Variants in UNC13C observed in about 807,000 individuals in gnomAD.
UNC13C encodes protein unc-13 homolog C.
A neutral mutation model predicts 245.4 loss-of-function variants in UNC13C; 174 were observed. The observed-to-expected ratio is 0.71, with a 90% CI of 0.63 to 0.80. The LOEUF (loss-of-function observed/expected upper bound fraction) is 0.80, where lower values mean the gene tolerates loss of function less well. Ranked by LOEUF, UNC13C falls within the 30% of genes least tolerant of loss-of-function variation. UNC13C has a pLI of 0.00. For missense variants in UNC13C, 2,829 were observed against 2,602.9 expected, an observed-to-expected ratio of 1.09 and a Z score of -1.89; for synonymous variants, 992 against 895.1, an observed-to-expected ratio of 1.11 and a Z score of -1.93.
At chr15:53,855,246 A>G in the UNC13C span, among the ~76,000 whole-genome samples, 34 of 152,304 alleles carry the variant, frequency 2.2e-4, no homozygotes, top group African/African-American at 8.2e-4. Flanking sequence ...GTAAGCAGAG[A>G]CAATTTGACT....
At chr15:54,567,677 AT>A in intron 29 of UNC13C, 122 bp from the exon 30 acceptor site, 12 of 917,892 alleles carry the variant, frequency 1.3e-5, no homozygotes, top group Non-Finnish European at 1.8e-5. Flanking sequence ...TGATGGAACC[AT>A]TTTTTTGTAT....
chr15:54,486,643 T>G (rs531385721), intron 19 of UNC13C, among the ~76,000 whole-genome samples: 36 of 152,306 alleles, frequency 2.4e-4, no homozygotes, highest in African/African-American at 8.7e-4. Context: ...ACTTATCTTT[T>G]TTAATACACT....
chr15:53,933,791 A>G, the UNC13C span, among the ~76,000 whole-genome samples: 1 of 152,176 alleles, frequency 6.6e-6, no homozygotes, highest in East Asian at 1.9e-4. Context: ...TCCGTTTATA[A>G]ACCTTCTCAT....
intron 2 of UNC13C, among the ~76,000 whole-genome samples, chr15:54,098,691 A>G (rs1345651918): frequency 1.3e-5 from 2 of 152,252 alleles, no homozygotes; most frequent in Non-Finnish European, 2.9e-5. Flanking sequence ...GTTATAATAC[A>G]GCTGATAAAT....
intron 4 of UNC13C, among the ~76,000 whole-genome samples, chr15:54,151,922 A>G (rs897259153): frequency 1.3e-5 from 2 of 152,156 alleles, no homozygotes; most frequent in African/African-American, 4.8e-5. Context: ...AACACACTCA[A>G]TAGGAAATTT....
the UNC13C span, among the ~76,000 whole-genome samples, chr15:53,886,469 C>G: frequency 1.3e-5 from 2 of 151,978 alleles, no homozygotes; most frequent in Non-Finnish European, 2.9e-5. Context: ...GACCACAACC[C>G]CAAGTATGAA....
intron 4 of UNC13C, among the ~76,000 whole-genome samples, chr15:54,212,268 A>G (rs942921228): frequency 6.6e-6 from 1 of 152,108 alleles, no homozygotes; most frequent in Non-Finnish European, 1.5e-5. Context: ...GGTGTTATGG[A>G]CAAACACCAA....
intron 13 of UNC13C, among the ~76,000 whole-genome samples, chr15:54,314,748 T>C (rs976489757): frequency 2.6e-5 from 4 of 151,806 alleles, no homozygotes; most frequent in African/African-American, 7.2e-5. Context: ...CTGTTCATGA[T>C]AGGAACAGCA....
chr15:54,234,218 A>T (rs2035628038), intron 4 of UNC13C, among the ~76,000 whole-genome samples: 1 of 145,262 alleles, frequency 6.9e-6, no homozygotes, highest in African/African-American at 2.6e-5. Flanking sequence ...TATATATATA[A>T]GTTTAGTACA....
intron 2 of UNC13C, among the ~76,000 whole-genome samples, chr15:54,075,448 C>CCG (rs386383031): frequency 2.3e-5 from 1 of 44,020 alleles, no homozygotes; most frequent in Admixed American, 2.4e-4. Flanking sequence ...TTGCAGTGAG[C>CCG]CGGAGCTTGC....
chr15:54,114,414 G>C (rs1174050683), intron 2 of UNC13C, among the ~76,000 whole-genome samples: 2 of 152,124 alleles, frequency 1.3e-5, no homozygotes. Flanking sequence ...TATAGTAGAA[G>C]TGGGGCTTTG....
At chr15:54,144,398 C>G (rs1380351189) in intron 4 of UNC13C, among the ~76,000 whole-genome samples, 1 of 151,796 alleles carries the variant, frequency 6.6e-6, no homozygotes, top group South Asian at 2.1e-4. Flanking sequence ...GAATTTAATG[C>G]TGACTTTGTA....
chr15:54,009,759 A>G (rs888590821), intron 1 of UNC13C, among the ~76,000 whole-genome samples: 5 of 152,038 alleles, frequency 3.3e-5, no homozygotes, highest in African/African-American at 9.7e-5. Context: ...CTTGGCCAGG[A>G]TGATCTCGAA....
intron 13 of UNC13C, among the ~76,000 whole-genome samples, chr15:54,315,938 A>G (rs2037997622): frequency 1.3e-5 from 2 of 151,756 alleles, no homozygotes; most frequent in African/African-American, 4.8e-5. Context: ...CAACTACTCT[A>G]GTTCAGACAT....
chr15:54,262,969 A>C (rs1260253129), intron 8 of UNC13C, among the ~76,000 whole-genome samples: 1 of 152,204 alleles, frequency 6.6e-6, no homozygotes, highest in East Asian at 1.9e-4. Flanking sequence ...ATTGGGCTCA[A>C]CATTCACAAA....
chr15:54,405,750 C>T (rs563884125), intron 18 of UNC13C, among the ~76,000 whole-genome samples: 17 of 152,080 alleles, frequency 1.1e-4, no homozygotes, highest in Non-Finnish European at 2.4e-4. Flanking sequence ...TCCTCTTTCA[C>T]TTACTGTATT....
At chr15:54,062,176 A>T (rs751951423) in intron 2 of UNC13C, among the ~76,000 whole-genome samples, 7 of 151,788 alleles carry the variant, frequency 4.6e-5, no homozygotes, top group Non-Finnish European at 1.0e-4. Context: ...AAAATTAGCC[A>T]GGCGTGGTGG....
At chr15:53,866,694 A>G in the UNC13C span, among the ~76,000 whole-genome samples, 1 of 152,216 alleles carries the variant, frequency 6.6e-6, no homozygotes, top group African/African-American at 2.4e-5. Context: ...AAGACATTGA[A>G]GCTACTGCAA....
At chr15:53,851,195 A>G in the UNC13C span, among the ~76,000 whole-genome samples, 6 of 151,756 alleles carry the variant, frequency 4.0e-5, no homozygotes, top group African/African-American at 1.2e-4. Context: ...TTTTCTGGTT[A>G]TTGGTGACAT....
Sources: allele counts gnomAD v4.1 joint callset (sites outside exome capture counted in the v4.1 genomes callset), GRCh38; gene constraint gnomAD v4.1.1; transcripts MANE v1.5; gene names NCBI Gene and HGNC (gene_info 2026-07-23, HGNC 2026-07-21).